AAK1: variants seen among roughly 807,000 people sequenced by gnomAD.
AAK1 encodes AP2 associated kinase 1, also known as AP2-associated protein kinase 1.
A neutral mutation model predicts 116.0 loss-of-function variants in AAK1; 37 were observed. The observed-to-expected ratio is 0.32, with a 90% CI of 0.25 to 0.42. The LOEUF (loss-of-function observed/expected upper bound fraction) is 0.42. Among genes scored for constraint, AAK1 ranks in the 10% least tolerant of loss-of-function variants. AAK1 has a pLI of 1.00. For synonymous variants in AAK1, 458 were observed against 439.9 expected (o/e 1.04, Z -0.51); for missense variants, 919 against 1,170.6 (o/e 0.79, Z 3.14).
chr2:69,517,674 G>C, intron 12 of AAK1, among the ~76,000 whole-genome samples: 1 of 149,326 alleles, frequency 6.7e-6, no homozygotes, highest in East Asian at 2.0e-4. Context: ...AAGACGGTCA[G>C]ACACATCAAA....
chr2:69,504,271 C>T (rs1368218053), intron 16 of AAK1, among the ~76,000 whole-genome samples: 1 of 151,484 alleles, frequency 6.6e-6, no homozygotes, highest in Non-Finnish European at 1.5e-5. Context: ...GTGGCATACA[C>T]CGGTAGTCCT....
At chr2:69,584,442 AAGTCAG>A (rs973753640) in intron 2 of AAK1, among the ~76,000 whole-genome samples, 6 of 152,320 alleles carry the variant, frequency 3.9e-5, no homozygotes, top group Middle Eastern at 6.8e-3. Flanking sequence ...GAGTATAAGA[AAGTCAG>A]AGTCAGAAGG....
At chr2:69,621,309 C>G (rs886271537) in intron 2 of AAK1, among the ~76,000 whole-genome samples, 6 of 152,094 alleles carry the variant, frequency 3.9e-5, no homozygotes, top group African/African-American at 1.2e-4. Context: ...AACTCTGTCT[C>G]TAACAAAAAT....
chr2:69,619,343 C>A (rs58055146), intron 2 of AAK1, among the ~76,000 whole-genome samples: 2 of 152,078 alleles, frequency 1.3e-5, no homozygotes, highest in Non-Finnish European at 2.9e-5. Flanking sequence ...CACCCTACCC[C>A]CAAGGCTTCC....
In AAK1 at chr2:69,511,217, G is replaced by A. The variant is rs992577582; in HGVS notation, c.1777-1757C>T. 3.3e-5 allele frequency among the ~76,000 whole-genome samples: 5 copies of A among 152,142 alleles called. No homozygotes were observed. The South Asian group carries it at 1.0e-3, about 32-fold the overall frequency. The stretch of plus-strand genomic sequence containing the variant: ...GCAGTCTCAGTGTCTACAAAGGCAG[G>A]CCCTGAGACAGTTTAAGGAAACTAG... On this transcript the variant is annotated intron_variant, in intron 13 of 21. Transcript: ENST00000409085.
Position 69,469,201 on chromosome 2 carries a change from T to C in AAK1, c.*6668A>G. On this transcript the variant is annotated 3_prime_UTR_variant, in exon 22 of 22. Transcript: ENST00000409085. Reference sequence around the variant, plus strand: ...GCTGAGGCGGAGAGCAACCACACTTTGCAACTCTCCAGGCCTGGCACTCTG... The same window carrying C: ...GCTGAGGCGGAGAGCAACCACACTTCGCAACTCTCCAGGCCTGGCACTCTG... 1 of 985,426 alleles carries C rather than the reference T, an allele frequency of 1.0e-6. No homozygotes were observed. The highest frequency in any genetic ancestry group is 1.7e-5 in the African/African-American group (1 of 57,338). The allele number at this position is 985,426 out of a possible 1,614,324, so 61.0% of individuals were successfully genotyped here.
intron 5 of AAK1, among the ~76,000 whole-genome samples, chr2:69,541,502 G>C (rs1670721751): frequency 6.6e-6 from 1 of 152,136 alleles, no homozygotes; most frequent in Admixed American, 6.5e-5. Flanking sequence ...GAAGTGCTGG[G>C]ATTATAGGCA....
At chr2:69,579,177 C>A (rs1421909510) in intron 2 of AAK1, among the ~76,000 whole-genome samples, 2 of 152,184 alleles carry the variant, frequency 1.3e-5, no homozygotes, top group Non-Finnish European at 2.9e-5. Context: ...GAAGTAGATT[C>A]TGCCCTCTCC....
intron 2 of AAK1, chr2:69,594,659 G>C (rs914622613): frequency 2.0e-5 from 11 of 556,650 alleles, no homozygotes; most frequent in African/African-American, 9.5e-5. Flanking sequence ...TGAATGCAAA[G>C]AAAATGTTCT....
Position 69,465,193 on chromosome 2 carries a change from C to T in AAK1, c.*10676G>A. On this transcript the variant is annotated 3_prime_UTR_variant, in exon 22 of 22. Coordinates refer to ENST00000409085, the MANE Select transcript of AAK1 (RefSeq NM_014911.5). ...AAGGAGATGAAAATGCCTCCAAGTC[C>T]AGAAATCAATATAAACAAACAAACA... The T allele has an allele frequency of 3.3e-6, 1 of 305,956 alleles. No homozygotes were observed. Among genetic ancestry groups the T allele is most frequent in the South Asian group, 3.5e-5 (1 of 28,442 alleles). 19.0% of individuals were successfully genotyped at this position (305,956 alleles called of 1,614,324 possible).
intron 3 of AAK1, among the ~76,000 whole-genome samples, chr2:69,551,075 T>C (rs1671162895): frequency 6.6e-6 from 1 of 151,942 alleles, no homozygotes. Context: ...ATTCAAACAA[T>C]TATGTATTAT....
chr2:69,523,118 T>C (rs940642833), intron 10 of AAK1, among the ~76,000 whole-genome samples: 2 of 152,248 alleles, frequency 1.3e-5, no homozygotes, highest in Non-Finnish European at 2.9e-5. Flanking sequence ...GTTTTATTAA[T>C]TGTAGAATGT....
intron 2 of AAK1, among the ~76,000 whole-genome samples, chr2:69,600,848 T>C (rs1276319586): frequency 6.6e-6 from 1 of 152,210 alleles, no homozygotes; most frequent in Non-Finnish European, 1.5e-5. Context: ...AACTTCATTG[T>C]TGTCTTATTT....
chr2:69,586,380 A>G (rs13011208), intron 2 of AAK1, among the ~76,000 whole-genome samples: 60,397 of 151,816 alleles, frequency 0.4, 12,379 homozygotes, highest in East Asian at 0.61. Context: ...TGGGCTTTGG[A>G]GGCAACTTAC....
Position 69,642,949 on chromosome 2 carries a change from C to A in AAK1, c.92G>T (p.Gly31Val), listed in dbSNP as rs989879205. ...SGGGGSTSGL[G>V]SGYIGRVFGI... ...GAAGACTCTTCCGATGTAGCCACTG[C>A]CCAGGCCCGAGGTGCTGCCCCCTCC... Residue 31 changes from glycine to valine, a missense_variant, in exon 2 of 22, where the codon GGC (glycine) becomes GTC (valine). Physicochemically the swap from Gly to Val is moderately radical, Grantham distance 109. This residue lies in a region of AAK1 where 317 missense variants were observed against 490.4 expected (regional missense o/e 0.65). Transcript: ENST00000409085. The A allele has an allele frequency of 3.1e-6, 5 of 1,613,740 alleles. No individual in the cohort carries two copies. The highest frequency in any genetic ancestry group is 4.2e-6 in the Non-Finnish European group (5 of 1,179,868).
rs777301368 is a variant in AAK1 at position 69,633,217 on chromosome 2, T to TAAAAAAAAA, written c.163+9660_163+9661insTTTTTTTTT. ...CTGGGCAACAGAGTGAGACTCTGTTTCAAAAAAAAAAAAAGGCCCCAAGAA... is the reference window on the plus strand; with the variant it reads ...CTGGGCAACAGAGTGAGACTCTGTTTAAAAAAAAACAAAAAAAAAAAAAGGCCCCAAGAA... On this transcript the variant is annotated intron_variant, in intron 2 of 21. Transcript: ENST00000409085. Among the ~76,000 whole-genome samples, 102 of 91,584 alleles carry TAAAAAAAAA rather than the reference T, an allele frequency of 1.1e-3. No homozygotes were observed. In the East Asian group the frequency reaches 0.041, roughly 36 times the overall value. 60.1% of individuals were successfully genotyped at this position (91,584 alleles called of 152,430 possible).
At chr2:69,524,887 T>C (rs555230422) in intron 10 of AAK1, 146 bp downstream of exon 10, 1 of 703,562 alleles carries the variant, frequency 1.4e-6, no homozygotes, top group Non-Finnish European at 2.4e-6. Context: ...AAAGAACCGT[T>C]TCTGCCTAGG....
At chr2:69,495,238 G>A (rs187895084) in intron 17 of AAK1, among the ~76,000 whole-genome samples, 85 of 152,274 alleles carry the variant, frequency 5.6e-4, no homozygotes, top group African/African-American at 1.1e-3. Flanking sequence ...AAGGAAGGCC[G>A]GAAGGAAAAG....
rs1162646105 is a variant in AAK1, at chr2:69,469,430, T to C, written c.*6439A>G. The C allele has an allele frequency of 2.0e-6, 2 of 985,340 alleles. No individual in the cohort carries two copies. The highest frequency in any genetic ancestry group is 1.7e-5 in the African/African-American group (1 of 57,234). 61.0% of individuals were successfully genotyped at this position (985,340 alleles called of 1,614,324 possible). ...TGTGAATGTGTTCTTACAGGGAAAATGTGTTTTCAGGGTGAACAGTTCCTT... is the reference window on the plus strand; with the variant it reads ...TGTGAATGTGTTCTTACAGGGAAAACGTGTTTTCAGGGTGAACAGTTCCTT... On this transcript the variant is annotated 3_prime_UTR_variant, in exon 22 of 22. Coordinates refer to ENST00000409085, the MANE Select transcript of AAK1 (RefSeq NM_014911.5).
Sources: allele counts gnomAD v4.1 joint callset (sites outside exome capture counted in the v4.1 genomes callset), GRCh38; gene constraint gnomAD v4.1.1; regional missense constraint gnomAD v4.1.1; transcripts MANE v1.5; gene names NCBI Gene and HGNC (gene_info 2026-07-23, HGNC 2026-07-21).